The following NFAM1 variants were observed in gnomAD, a reference collection of about 807,000 sequenced individuals.
The protein encoded by NFAM1 is NFAT activation molecule 1.
In NFAM1, 17 loss-of-function variants were observed where a neutral mutation model predicts 29.0. That is an observed-to-expected ratio of 0.59 (90% CI 0.40 to 0.88). The LOEUF is 0.88. Ranked by LOEUF, NFAM1 falls within the 40% of genes least tolerant of loss-of-function variation. NFAM1 has a pLI of 0.00. For missense variants in NFAM1, 324 were observed against 344.6 expected (o/e 0.94, Z 0.47); for synonymous variants, 175 against 147.2 (o/e 1.19, Z -1.36).
chr22:42,406,678 A>G (rs1214804171), intron 3 of NFAM1, among the ~76,000 whole-genome samples: 7 of 152,038 alleles, frequency 4.6e-5, no homozygotes, highest in Non-Finnish European at 7.4e-5. Context: ...CCCAATAATT[A>G]TCCCATCTGA....
intron 1 of NFAM1, among the ~76,000 whole-genome samples, chr22:42,412,293 G>GC (rs1213675159): frequency 6.6e-6 from 1 of 152,058 alleles, no homozygotes; most frequent in African/African-American, 2.4e-5. Flanking sequence ...TGCAGGTGCA[G>GC]CCCCTACCTC....
At chr22:42,424,368 TTG>T (rs1930552003) in intron 1 of NFAM1, among the ~76,000 whole-genome samples, 1 of 152,016 alleles carries the variant, frequency 6.6e-6, no homozygotes, top group Non-Finnish European at 1.5e-5. Flanking sequence ...TGAACCGAGA[TTG>T]TGCCACTGCA....
In NFAM1 at chr22:42,397,849, G is replaced by A. The variant is rs779000143; in HGVS notation, c.663+9C>T. On this transcript the variant is annotated intron_variant, in intron 4 of 5. Transcript: ENST00000329021. ...AGAGGTGGAGGGAGCCGGGGGCCCC[G>A]GGACTCACTGTGTAGACAGATTCTG... 5.4e-5 allele frequency: 85 copies of A among 1,580,996 alleles called. No individual in the cohort carries two copies. The highest frequency in any genetic ancestry group is 5.4e-4 in the East Asian group (24 of 44,724).
At chr22:42,406,695 C>A (rs920110892) in intron 3 of NFAM1, among the ~76,000 whole-genome samples, 9 of 152,210 alleles carry the variant, frequency 5.9e-5, no homozygotes, top group African/African-American at 2.2e-4. Context: ...CTGATATATA[C>A]GACCTACTCA....
At chr22:42,434,815 A>C (rs1211623789), upstream of NFAM1, among the ~76,000 whole-genome samples, 39 of 152,200 alleles carry the variant, frequency 2.6e-4, no homozygotes, top group Admixed American at 2.6e-3. Context: ...AGGCCTTGGC[A>C]GCTGAATTTG....
intron 1 of NFAM1, among the ~76,000 whole-genome samples, chr22:42,422,023 C>A (rs1930461783): frequency 6.6e-6 from 1 of 152,226 alleles, no homozygotes; most frequent in African/African-American, 2.4e-5. Context: ...GGAAGACAAC[C>A]TTTGAACAGA....
chr22:42,407,922 T>G (rs113355730), intron 3 of NFAM1, among the ~76,000 whole-genome samples: 3,799 of 150,030 alleles, frequency 0.025, 102 homozygotes, highest in African/African-American at 0.091. Flanking sequence ...TTTTTTTTTT[T>G]TTTGAGACTT....
At position 42,409,095 on chromosome 22, in the gene NFAM1, G is replaced by A. The variant is rs965864238; in HGVS notation, c.564+340C>T. Among the ~76,000 whole-genome samples the A allele has an allele frequency of 1.3e-5, 2 of 152,134 alleles. No individual in the cohort carries two copies. The highest frequency in any genetic ancestry group is 4.8e-5 in the African/African-American group (2 of 41,418). On this transcript the variant is annotated intron_variant, in intron 3 of 5. Transcript: ENST00000329021. This position sits in a 1 kb window ranked among gnomAD's most constrained non-coding sequence, Gnocchi z 4.9. ...CCCCTTCATCCCTTCCAGCCTGCTG[G>A]GATCAAGAAAACCTGAGCAGGGATT...
intron 1 of NFAM1, among the ~76,000 whole-genome samples, chr22:42,424,142 G>A (rs1055162737): frequency 3.0e-4 from 45 of 152,110 alleles, no homozygotes; most frequent in African/African-American, 9.4e-4. Flanking sequence ...ATGGCTGGGC[G>A]CGGTGGCTCA....
At chr22:42,431,946 C>T (rs1009530142) in intron 1 of NFAM1, among the ~76,000 whole-genome samples, 5 of 152,194 alleles carry the variant, frequency 3.3e-5, no homozygotes, top group African/African-American at 1.2e-4. Context: ...AGCCACACAG[C>T]GCCCACCCTC....
At chr22:42,425,737 AGCCCGC>A (rs1930601351) in intron 1 of NFAM1, among the ~76,000 whole-genome samples, 1 of 152,080 alleles carries the variant, frequency 6.6e-6, no homozygotes, top group Non-Finnish European at 1.5e-5. Flanking sequence ...AGCCTTCCTG[AGCCCGC>A]GTACTCTCTC....
chr22:42,420,079 C>T (rs1052602598), intron 1 of NFAM1, among the ~76,000 whole-genome samples: 2 of 138,664 alleles, frequency 1.4e-5, no homozygotes, highest in Non-Finnish European at 3.0e-5. Flanking sequence ...GGCACGATCT[C>T]GGCTCACTAC....
rs551873302 is a variant in NFAM1, at chr22:42,432,168, G to A, written c.121+69C>T. 169 of 1,381,896 alleles carry A rather than the reference G, an allele frequency of 1.2e-4. 1 individual carries two copies. The highest frequency in any genetic ancestry group is 7.3e-4 in the Admixed American group (37 of 50,752). 85.6% of individuals were successfully genotyped at this position (1,381,896 alleles called of 1,614,324 possible). ...CAGGTCCCTGGGAATTAGCTGCGCC[G>A]GGCGGGATGAAAGCCGCTCTGATGT... On this transcript the variant is annotated intron_variant, in intron 1 of 5. Transcript: ENST00000329021.
intron 3 of NFAM1, among the ~76,000 whole-genome samples, chr22:42,399,217 C>T (rs993094624): frequency 1.3e-5 from 2 of 151,620 alleles, no homozygotes; most frequent in African/African-American, 2.4e-5. Flanking sequence ...GAGGCCGAGT[C>T]GGGTGGATCA....
chr22:42,391,288 C>T (rs549885975), intron 4 of NFAM1, among the ~76,000 whole-genome samples: 1 of 142,580 alleles, frequency 7.0e-6, no homozygotes, highest in East Asian at 2.2e-4. Context: ...AGCAGAGGGC[C>T]ATGATCTGTC....
chr22:42,412,017 G>A (rs1474942480), intron 1 of NFAM1, among the ~76,000 whole-genome samples: 1 of 152,168 alleles, frequency 6.6e-6, no homozygotes, highest in Non-Finnish European at 1.5e-5. Flanking sequence ...CCGATCACCT[G>A]AGGTCAGGAG....
intron 3 of NFAM1, among the ~76,000 whole-genome samples, chr22:42,407,692 G>A (rs112056357): frequency 5.3e-5 from 8 of 152,042 alleles, no homozygotes; most frequent in African/African-American, 9.7e-5. Context: ...GGGCTCAAGC[G>A]ATCCTTCCAC....
intron 4 of NFAM1, among the ~76,000 whole-genome samples, chr22:42,395,769 G>C (rs1264136353): frequency 6.6e-6 from 1 of 151,320 alleles, no homozygotes; most frequent in Middle Eastern, 3.4e-3. Context: ...TGTAGTCCCA[G>C]CTACTTGGGA....
intron 1 of NFAM1, among the ~76,000 whole-genome samples, chr22:42,426,013 C>T (rs1381934013): frequency 1.3e-5 from 2 of 152,126 alleles, no homozygotes; most frequent in African/African-American, 4.8e-5. Context: ...TTGGATGTCA[C>T]CAGGTGGGCA....
Sources: gnomAD v4.1 joint callset for allele counts (sites outside exome capture counted in the v4.1 genomes callset) on GRCh38, gnomAD v4.1.1 for gene constraint, Gnocchi (gnomAD v3.1) non-coding constraint, MANE v1.5 for transcripts, NCBI Gene and HGNC (gene_info 2026-07-23, HGNC 2026-07-21) for gene names.